The following KLF6 variants were observed in gnomAD, a reference collection of about 807,000 sequenced individuals.
The protein encoded by KLF6 is KLF transcription factor 6.
For missense variants in KLF6, 233 were observed against 359.8 expected (o/e 0.65, Z 2.85); for synonymous variants, 152 against 147.9 (o/e 1.03, Z -0.20).
intron 1 of KLF6, among the ~76,000 whole-genome samples, chr10:3,783,952 A>G (rs554559942): frequency 2.0e-5 from 3 of 152,218 alleles, no homozygotes; most frequent in Non-Finnish European, 4.4e-5. Flanking sequence ...AAAAGGCAGG[A>G]GAGGACTGTG....
In KLF6 at chr10:3,778,237, G is replaced by A. The variant is rs1832440046; in HGVS notation, c.*1302C>T. On this transcript the variant is annotated 3_prime_UTR_variant, in exon 4 of 4. Coordinates refer to ENST00000497571, the MANE Select transcript of KLF6 (RefSeq NM_001300.6). Reference sequence around the variant, plus strand: ...TGAAACAAGAGCCTTAATAAAGCATGCATCGCCCACACCCCTGTATGAGAC... The same window carrying A: ...TGAAACAAGAGCCTTAATAAAGCATACATCGCCCACACCCCTGTATGAGAC... The A allele has an allele frequency of 1.9e-6, 1 of 526,422 alleles. No homozygotes were observed. The highest frequency in any genetic ancestry group is 3.7e-6 in the Non-Finnish European group (1 of 271,480). 32.6% of individuals were successfully genotyped at this position (526,422 alleles called of 1,614,324 possible).
rs149673152 is a variant in KLF6 at position 3,782,862 on chromosome 10, G to A, written c.103-648C>T. Among the ~76,000 whole-genome samples, 145 of 152,322 alleles carry A rather than the reference G, an allele frequency of 9.5e-4. No individual in the cohort carries two copies. Among genetic ancestry groups the A allele is most frequent in the Middle Eastern group, 3.4e-3 (1 of 294 alleles). ...ACCGCCTATGTTTTCACAGAATGCCGTTCCCAAGTGCAGGCCCTTGCATGA... is the reference window on the plus strand; with the variant it reads ...ACCGCCTATGTTTTCACAGAATGCCATTCCCAAGTGCAGGCCCTTGCATGA... On this transcript the variant is annotated intron_variant, in intron 1 of 3. Coordinates refer to ENST00000497571, the MANE Select transcript of KLF6 (RefSeq NM_001300.6). This position sits in a 1 kb window ranked among gnomAD's most constrained non-coding sequence, Gnocchi z 4.3.
At position 3,777,822 on chromosome 10, in the gene KLF6, CCA is replaced by C. The variant is rs1456499632; in HGVS notation, c.*1715_*1716del. Reference sequence around the variant, plus strand: ...AAATATACATACACAAGAATTCTGCCCACTTTTTTAAAAAAGTAGTATACTTT... The same window carrying C: ...AAATATACATACACAAGAATTCTGCCCTTTTTTAAAAAAGTAGTATACTTT... On this transcript the variant is annotated 3_prime_UTR_variant, in exon 4 of 4. Coordinates refer to ENST00000497571, the MANE Select transcript of KLF6 (RefSeq NM_001300.6). 1 of 478,890 alleles carries C rather than the reference CCA, an allele frequency of 2.1e-6. No individual in the cohort carries two copies. The highest frequency in any genetic ancestry group is 4.1e-6 in the Non-Finnish European group (1 of 242,672). The allele number at this position is 478,890 out of a possible 1,614,324, so 29.7% of individuals were successfully genotyped here.
intron 3 of KLF6, 149 bp from the exon 4 acceptor site, chr10:3,779,739 A>C: frequency 1.3e-6 from 1 of 747,594 alleles, no homozygotes; most frequent in Admixed American, 2.1e-5. Context: ...CAGTGTCTTC[A>C]GGGACAGGAG....
intron 1 of KLF6, among the ~76,000 whole-genome samples, chr10:3,784,600 AC>A (rs1832606976): frequency 6.8e-6 from 1 of 147,166 alleles, no homozygotes; most frequent in Admixed American, 7.0e-5. Flanking sequence ...AAACAAACAA[AC>A]AAAAAAAAAA....
chr10:3,781,374 G>A lies in KLF6; in HGVS notation c.676+267C>T. The A allele has an allele frequency of 6.9e-7, 1 of 1,449,664 alleles. No homozygotes were observed. Among genetic ancestry groups the A allele is most frequent in the Non-Finnish European group, 9.1e-7 (1 of 1,098,370 alleles). 89.8% of individuals were successfully genotyped at this position (1,449,664 alleles called of 1,614,324 possible). A position where few individuals can be genotyped will look rare whatever the true frequency, so the allele number is the denominator to read the frequency against. ...CACTACTAAGGGGTGGGGGGTGGAG[G>A]TTTGGGTGTCCGTGGAGAAAAGGAT... is the stretch of plus-strand genomic sequence containing the variant. On this transcript the variant is annotated intron_variant, in intron 2 of 3. Coordinates refer to ENST00000497571, the MANE Select transcript of KLF6 (RefSeq NM_001300.6). This position sits in a 1 kb window ranked among gnomAD's most constrained non-coding sequence, Gnocchi z 5.8.
chr10:3,776,803 G>T lies in KLF6; in HGVS notation c.*2736C>A. 1.9e-6 allele frequency: 1 copy of T among 515,660 alleles called. No individual in the cohort carries two copies. Among genetic ancestry groups the T allele is most frequent in the Non-Finnish European group, 3.8e-6 (1 of 265,536 alleles). 31.9% of individuals were successfully genotyped at this position (515,660 alleles called of 1,614,324 possible). On this transcript the variant is annotated 3_prime_UTR_variant, in exon 4 of 4. Transcript: ENST00000497571. The stretch of plus-strand genomic sequence containing the variant: ...GGCTCAGTTATCACCTGAACAGAAT[G>T]TACTTCTTTATGTACGTGCTAATTA...
In KLF6 at chr10:3,782,970, G is replaced by A. The variant is rs941109634; in HGVS notation, c.103-756C>T. ...GGAGTGCAGAAATAATTCCAGCATG[G>A]CCATCTGCTATTGTGAAGGGTGCAA... On this transcript the variant is annotated intron_variant, in intron 1 of 3. Transcript: ENST00000497571. The surrounding 1 kb of genome is among the most constrained non-coding windows in gnomAD (Gnocchi z 4.3). 2.6e-5 allele frequency among the ~76,000 whole-genome samples: 4 copies of A among 152,162 alleles called. No individual in the cohort carries two copies. The highest frequency in any genetic ancestry group is 9.7e-5 in the African/African-American group (4 of 41,426).
In KLF6 at chr10:3,776,271, T is replaced by TCAAAC. The variant is rs1564291580; in HGVS notation, c.*3263_*3267dup. On this transcript the variant is annotated 3_prime_UTR_variant, in exon 4 of 4. Transcript: ENST00000497571. Reference sequence around the variant, plus strand: ...ATTCCCTGGCTTGAGCAATGGAAGATCAAACCGGCATGGTTCCCTACTGTG... The same window carrying TCAAAC: ...ATTCCCTGGCTTGAGCAATGGAAGATCAAACCAAACCGGCATGGTTCCCTACTGTG... 1.9e-6 allele frequency: 1 copy of TCAAAC among 532,886 alleles called. No individual in the cohort carries two copies. Among genetic ancestry groups the TCAAAC allele is most frequent in the Non-Finnish European group, 3.6e-6 (1 of 275,444 alleles). 33.0% of individuals were successfully genotyped at this position (532,886 alleles called of 1,614,324 possible). A position where few individuals can be genotyped will look rare whatever the true frequency, so the allele number is the denominator to read the frequency against.
At position 3,777,356 on chromosome 10, in the gene KLF6, C is replaced by T; in HGVS notation, c.*2183G>A. ...AGAATCTACTTGCTGGAAAAAATAG[C>T]TTCATCTGCATAAAAAGTGTTCTAC... is the stretch of plus-strand genomic sequence containing the variant. On this transcript the variant is annotated 3_prime_UTR_variant, in exon 4 of 4. Coordinates refer to ENST00000497571, the MANE Select transcript of KLF6 (RefSeq NM_001300.6). The T allele has an allele frequency of 1.9e-6, 1 of 513,086 alleles. No homozygotes were observed. The highest frequency in any genetic ancestry group is 3.8e-6 in the Non-Finnish European group (1 of 262,730). 31.8% of individuals were successfully genotyped at this position (513,086 alleles called of 1,614,324 possible).
chr10:3,780,599 C>A lies in KLF6; in HGVS notation c.677-370G>T, dbSNP rs1426555018. 1 of 368,054 alleles carries A rather than the reference C, an allele frequency of 2.7e-6. No homozygotes were observed. The highest frequency in any genetic ancestry group is 5.3e-6 in the Non-Finnish European group (1 of 188,890). The allele number at this position is 368,054 out of a possible 1,614,324, so 22.8% of individuals were successfully genotyped here. On this transcript the variant is annotated intron_variant, in intron 2 of 3. Transcript: ENST00000497571. The surrounding 1 kb of genome is among the most constrained non-coding windows in gnomAD (Gnocchi z 4.6). ...CTTTCTTCATGGCAACTGTTTCTCC[C>A]AAACACACTTCTGTTCCATCCTCAC...
At chr10:3,779,704 G>A in intron 3 of KLF6, 114 bp from the exon 4 acceptor site, 1 of 935,994 alleles carries the variant, frequency 1.1e-6, no homozygotes, top group Non-Finnish European at 1.7e-6. Flanking sequence ...GCAGGGAAAG[G>A]TGGGATTCTC....
Position 3,778,905 on chromosome 10 carries a change from C to G in KLF6, c.*634G>C. 1 of 534,640 alleles carries G rather than the reference C, an allele frequency of 1.9e-6. No homozygotes were observed. Among genetic ancestry groups the G allele is most frequent in the South Asian group, 1.5e-5 (1 of 65,174 alleles). The allele number at this position is 534,640 out of a possible 1,614,324, so 33.1% of individuals were successfully genotyped here. The stretch of plus-strand genomic sequence containing the variant: ...ACACATTGCACATTTAATAGCTGCA[C>G]CAGACACTAAGAGTTCCTCTCACAC... On this transcript the variant is annotated 3_prime_UTR_variant, in exon 4 of 4. Coordinates refer to ENST00000497571, the MANE Select transcript of KLF6 (RefSeq NM_001300.6).
Position 3,778,442 on chromosome 10 carries a change from G to A in KLF6, c.*1097C>T, listed in dbSNP as rs979187419. The A allele has an allele frequency of 1.9e-6, 1 of 525,638 alleles. No homozygotes were observed. The highest frequency in any genetic ancestry group is 1.9e-5 in the African/African-American group (1 of 53,390). 32.6% of individuals were successfully genotyped at this position (525,638 alleles called of 1,614,324 possible). ...ACTGAGAAAAATTTTAGGTTCTTAA[G>A]TCTAATGAAACATTAGACCAGCAAT... is the stretch of plus-strand genomic sequence containing the variant. On this transcript the variant is annotated 3_prime_UTR_variant, in exon 4 of 4. Coordinates refer to ENST00000497571, the MANE Select transcript of KLF6 (RefSeq NM_001300.6).
Position 3,780,332 on chromosome 10 carries a change from C to T in KLF6, c.677-103G>A. The stretch of plus-strand genomic sequence containing the variant: ...CAGTGGTGGGATGCAAGGCCAGGGA[C>T]CCAGTGGCTTCTGGCATCGGTAACA... On this transcript the variant is annotated intron_variant, in intron 2 of 3. Coordinates refer to ENST00000497571, the MANE Select transcript of KLF6 (RefSeq NM_001300.6). This position sits in a 1 kb window ranked among gnomAD's most constrained non-coding sequence, Gnocchi z 4.6. 1 of 1,428,368 alleles carries T rather than the reference C, an allele frequency of 7.0e-7. No individual in the cohort carries two copies. Among genetic ancestry groups the T allele is most frequent in the African/African-American group, 1.4e-5 (1 of 71,602 alleles). 88.5% of individuals were successfully genotyped at this position (1,428,368 alleles called of 1,614,324 possible).
In KLF6 at chr10:3,780,027, C is replaced by T; in HGVS notation, c.800+79G>A. ...ACTGCATGCCTTCCTTCGAATGTGC[C>T]CTGCACACCTACTCAACCCTGGTCA... On this transcript the variant is annotated intron_variant, in intron 3 of 3. Coordinates refer to ENST00000497571, the MANE Select transcript of KLF6 (RefSeq NM_001300.6). This position sits in a 1 kb window ranked among gnomAD's most constrained non-coding sequence, Gnocchi z 4.6. The T allele has an allele frequency of 1.3e-6, 2 of 1,557,572 alleles. No homozygotes were observed. The highest frequency in any genetic ancestry group is 1.1e-5 in the South Asian group (1 of 89,978).
At position 3,781,737 on chromosome 10, in the gene KLF6, C is replaced by T. The variant is rs11544695; in HGVS notation, c.580G>A (p.Asp194Asn). The change falls in exon 2 of 4, where the codon GAC becomes AAC. Residue 194 changes from aspartate (D) to asparagine (N), a missense_variant. Physicochemically the swap from Asp to Asn is conservative, Grantham distance 23. Coordinates refer to ENST00000497571, the MANE Select transcript of KLF6 (RefSeq NM_001300.6). This position sits in a 1 kb window ranked among gnomAD's most constrained non-coding sequence, Gnocchi z 5.8. ...CACCGGTGCACCCTCCTCCTGCCGT[C>T]GGGGGAGGCATCGCCATTTCCCTTG... The part of the protein sequence containing the change: ...GDKGNGDASP[D>N]GRRRVHRCHF... 9.3e-6 allele frequency: 15 copies of T among 1,614,086 alleles called. No homozygotes were observed. The highest frequency in any genetic ancestry group is 2.2e-5 in the South Asian group (2 of 91,092).
rs773677946 is a variant in KLF6 at position 3,780,170 on chromosome 10, C to T, written c.736G>A (p.Glu246Lys). 1 of 1,614,120 alleles carries T rather than the reference C, an allele frequency of 6.2e-7. No homozygotes were observed. The highest frequency in any genetic ancestry group is 1.7e-5 in the Admixed American group (1 of 60,032). ...TGCTTTCGGAAGTGCCTGGTTAACT[C>T]ATCACTTCTTGCAAAACGCCACTCA... The part of the protein sequence containing the change: ...GCEWRFARSD[E>K]LTRHFRKHTG... Residue 246 changes from glutamate (E) to lysine (K), a missense_variant, in exon 3 of 4, where the codon GAG (glutamate) becomes AAG (lysine). Coordinates refer to ENST00000497571, the MANE Select transcript of KLF6 (RefSeq NM_001300.6). This position sits in a 1 kb window ranked among gnomAD's most constrained non-coding sequence, Gnocchi z 4.6.
chr10:3,779,169 T>A lies in KLF6; in HGVS notation c.*370A>T. ...ACATTCAAACTACTTTTTTTCCATC[T>A]CTTGCAGTCTTGCTAACCACAAGGA... On this transcript the variant is annotated 3_prime_UTR_variant, in exon 4 of 4. Transcript: ENST00000497571. 1.8e-6 allele frequency: 1 copy of A among 548,708 alleles called. No homozygotes were observed. The highest frequency in any genetic ancestry group is 3.5e-6 in the Non-Finnish European group (1 of 286,212). 34.0% of individuals were successfully genotyped at this position (548,708 alleles called of 1,614,324 possible). A position where few individuals can be genotyped will look rare whatever the true frequency, so the allele number is the denominator to read the frequency against.
Sources: allele counts gnomAD v4.1 joint callset (sites outside exome capture counted in the v4.1 genomes callset), GRCh38; gene constraint gnomAD v4.1.1; non-coding constraint Gnocchi (gnomAD v3.1); transcripts MANE v1.5; gene names NCBI Gene and HGNC (gene_info 2026-07-23, HGNC 2026-07-21).